HYAL1: variants seen among roughly 807,000 people sequenced by gnomAD.
HYAL1 encodes the protein hyaluronidase 1.
Under a neutral mutation model 28.8 loss-of-function variants are expected in HYAL1, and 21 were observed. That is an observed-to-expected ratio of 0.73 (90% CI 0.52 to 1.05). HYAL1 has a LOEUF of 1.05. Among genes scored for constraint, HYAL1 ranks in the 50% least tolerant of loss-of-function variants. The pLI is 0.00. For missense variants in HYAL1, 491 were observed against 579.2 expected (o/e 0.85, Z 1.56); for synonymous variants, 200 against 230.1 (o/e 0.87, Z 1.18).
Position 50,301,876 on chromosome 3 carries a change from G to A in HYAL1, c.900+181C>T, listed in dbSNP as rs189896761. 8.6e-5 allele frequency among the ~76,000 whole-genome samples: 13 copies of A among 151,536 alleles called. No individual in the cohort carries two copies. In the East Asian group the frequency reaches 2.3e-3, roughly 27 times the overall value. On this transcript the variant is annotated intron_variant, in intron 2 of 3. Transcript: ENST00000395144. ...TGAGGCAGGAGAATGGCATGAACCC[G>A]GGAGGCAGAGCTTGCAGTGAGCCAA...
intron 2 of HYAL1, 82 bp from the exon 3 acceptor site, chr3:50,301,159 TA>T (rs1246617193): frequency 1.1e-6 from 1 of 926,670 alleles, no homozygotes; most frequent in African/African-American, 1.6e-5. Flanking sequence ...ATGGGACAAA[TA>T]ATTCATAACC....
Position 50,302,032 on chromosome 3 carries a change from G to A in HYAL1, c.900+25C>T. On this transcript the variant is annotated intron_variant, in intron 2 of 3. Coordinates refer to ENST00000395144, the MANE Select transcript of HYAL1 (RefSeq NM_033159.4). The surrounding 1 kb of genome is among the most constrained non-coding windows in gnomAD (Gnocchi z 5.0). ...AATATCTGACAAGGCAGGTTGACAA[G>A]GTGGGCAGGTTACAGAAGACTCACC... The A allele has an allele frequency of 3.1e-6, 5 of 1,612,974 alleles. No individual in the cohort carries two copies. Among genetic ancestry groups the A allele is most frequent in the Non-Finnish European group, 4.2e-6 (5 of 1,178,960 alleles).
At chr3:50,308,009 A>T (rs1702370091), upstream of HYAL1, among the ~76,000 whole-genome samples, 1 of 150,914 alleles carries the variant, frequency 6.6e-6, no homozygotes, top group Non-Finnish European at 1.5e-5. Flanking sequence ...GTTAGCCAGG[A>T]TGGTCTTGAT....
intron 1 of HYAL1, among the ~76,000 whole-genome samples, chr3:50,311,447 C>T (rs1395294553): frequency 3.6e-4 from 30 of 83,560 alleles, no homozygotes; most frequent in African/African-American, 1.6e-3. Context: ...GGGGGGCTGA[C>T]CCCCCCCCAC....
intron 1 of HYAL1, among the ~76,000 whole-genome samples, chr3:50,311,951 T>A: frequency 7.6e-6 from 1 of 131,998 alleles, no homozygotes; most frequent in East Asian, 2.8e-4. Flanking sequence ...GGCTCCTCAC[T>A]TCCCAGTAGG....
chr3:50,302,953 C>A lies in HYAL1; in HGVS notation c.4G>T (p.Ala2Ser). The change falls in exon 2 of 4, where the codon GCA becomes TCA. Residue 2 changes from alanine to serine, a missense_variant. Transcript: ENST00000395144. This position sits in a 1 kb window ranked among gnomAD's most constrained non-coding sequence, Gnocchi z 5.0. Reference protein sequence around the residue: MAAHLLPICALF... With the variant: MSAHLLPICALF... ...GCGCAGATGGGAAGCAGGTGGGCTGCCATGGCACGGGACTGGTCGAGGACA... is the reference window on the plus strand; with the variant it reads ...GCGCAGATGGGAAGCAGGTGGGCTGACATGGCACGGGACTGGTCGAGGACA... 3.2e-6 allele frequency: 5 copies of A among 1,565,776 alleles called. No individual in the cohort carries two copies. Among genetic ancestry groups the A allele is most frequent in the Non-Finnish European group, 4.3e-6 (5 of 1,152,806 alleles).
At chr3:50,304,296 AAT>A (rs1175956843), upstream of HYAL1, among the ~76,000 whole-genome samples, 246 of 30,374 alleles carry the variant, frequency 8.1e-3, 1 homozygote, top group Middle Eastern at 0.062. Flanking sequence ...AAAAAAAAAA[AAT>A]ATATATATAT....
Position 50,300,071 on chromosome 3 carries a change from C to A in HYAL1, c.*412G>T. 1.1e-5 allele frequency: 3 copies of A among 283,074 alleles called. No individual in the cohort carries two copies. The highest frequency in any genetic ancestry group is 1.0e-4 in the South Asian group (3 of 28,642). 17.5% of individuals were successfully genotyped at this position (283,074 alleles called of 1,614,324 possible). A position where few individuals can be genotyped will look rare whatever the true frequency, so the allele number is the denominator to read the frequency against. ...TGTGCAACCTTGGGCAACGTGCTTA[C>A]TCTCAATGTGAGTGACTCAGTTTCC... On this transcript the variant is annotated 3_prime_UTR_variant, in exon 4 of 4. Coordinates refer to ENST00000395144, the MANE Select transcript of HYAL1 (RefSeq NM_033159.4).
At chr3:50,312,038 T>A (rs1702478111) in intron 1 of HYAL1, among the ~76,000 whole-genome samples, 1 of 134,372 alleles carries the variant, frequency 7.4e-6, no homozygotes, top group Admixed American at 7.4e-5. Flanking sequence ...CCCACCTCCC[T>A]CCCGGACGGG....
chr3:50,305,148 G>C (rs1255831468), upstream of HYAL1, among the ~76,000 whole-genome samples: 2 of 152,180 alleles, frequency 1.3e-5, no homozygotes, highest in Non-Finnish European at 2.9e-5. Flanking sequence ...GCAACCATCT[G>C]TCTGTCACCT....
upstream of HYAL1, among the ~76,000 whole-genome samples, chr3:50,306,088 T>C (rs1412585169): frequency 1.3e-5 from 2 of 151,398 alleles, no homozygotes; most frequent in African/African-American, 2.5e-5. Flanking sequence ...CTATCTGTGC[T>C]TGGTACCAGC....
chr3:50,311,210 G>A (rs1361250769), intron 1 of HYAL1, among the ~76,000 whole-genome samples: 3 of 148,238 alleles, frequency 2.0e-5, no homozygotes, highest in Non-Finnish European at 4.5e-5. Context: ...CCCGGACGGG[G>A]TGGCTGGCCG....
intron 1 of HYAL1, among the ~76,000 whole-genome samples, chr3:50,311,606 T>C: frequency 7.8e-6 from 1 of 128,118 alleles, no homozygotes; most frequent in Non-Finnish European, 1.7e-5. Flanking sequence ...ACGGGGCGGC[T>C]GGCCGGGCGG....
chr3:50,307,076 A>G (rs1428388892), upstream of HYAL1, among the ~76,000 whole-genome samples: 2 of 150,444 alleles, frequency 1.3e-5, no homozygotes, highest in Non-Finnish European at 2.9e-5. Flanking sequence ...CTAAAAAAAA[A>G]AAAAAATAAG....
chr3:50,304,291 AAAAAAATATATATATATATATATATAT>A (rs1489350944), upstream of HYAL1, among the ~76,000 whole-genome samples: 154 of 60,100 alleles, frequency 2.6e-3, 8 homozygotes, highest in African/African-American at 9.2e-3. Context: ...AAAAAAAAAA[AAAAAAATATATATATATATATATATAT>A]ATATATATAT....
intron 2 of HYAL1, 68 bp downstream of exon 2, chr3:50,301,989 T>C: frequency 6.7e-7 from 1 of 1,502,004 alleles, no homozygotes; most frequent in Non-Finnish European, 9.2e-7. Flanking sequence ...AAAGCTAAAG[T>C]ACCCCAAGGC....
rs939067401 is a variant in HYAL1, at chr3:50,302,288, T to C, written c.669A>G (p.Ser223=). The C allele has an allele frequency of 6.2e-7, 1 of 1,613,722 alleles. No homozygotes were observed. Residue 223 remains serine, a synonymous_variant, in exon 2 of 4, where the codon TCA becomes TCG. Coordinates refer to ENST00000395144, the MANE Select transcript of HYAL1 (RefSeq NM_033159.4). The surrounding 1 kb of genome is among the most constrained non-coding windows in gnomAD (Gnocchi z 5.0). ...GCTGGTCATTTTGGGCACGGATGCCTGATGGGCACTGGCCGGTGTAGTTGG... is the reference window on the plus strand; with the variant it reads ...GCTGGTCATTTTGGGCACGGATGCCCGATGGGCACTGGCCGGTGTAGTTGG... The part of the protein sequence containing the change: ...LSPNYTGQCP[S]GIRAQNDQLG...
At chr3:50,303,064 G>C (rs1312280025) in intron 1 of HYAL1, 84 bp from the exon 2 acceptor site, 2 of 1,057,596 alleles carry the variant, frequency 1.9e-6, no homozygotes, top group Non-Finnish European at 2.7e-6. Flanking sequence ...GAGCCCTTGC[G>C]CATTAATCCA....
rs1175943953 is a variant in HYAL1 at position 50,302,922 on chromosome 3, A to G, written c.35T>C (p.Phe12Ser). Reference protein sequence around the residue: ...AAHLLPICALFLTLLDMAQGF... With the variant: ...AAHLLPICALSLTLLDMAQGF... ...TTGGGCCATATCGAGTAAGGTCAGGAAGAGGGCGCAGATGGGAAGCAGGTG... is the reference window on the plus strand; with the variant it reads ...TTGGGCCATATCGAGTAAGGTCAGGGAGAGGGCGCAGATGGGAAGCAGGTG... Residue 12 changes from phenylalanine (F) to serine (S), a missense_variant, in exon 2 of 4, where the codon TTC (phenylalanine) becomes TCC (serine). Phe to Ser is a radical substitution (Grantham distance 155). Coordinates refer to ENST00000395144, the MANE Select transcript of HYAL1 (RefSeq NM_033159.4). The surrounding 1 kb of genome is among the most constrained non-coding windows in gnomAD (Gnocchi z 5.0). The G allele has an allele frequency of 1.9e-6, 3 of 1,590,876 alleles. No individual in the cohort carries two copies. The highest frequency in any genetic ancestry group is 2.6e-6 in the Non-Finnish European group (3 of 1,165,628).
Sources: gnomAD v4.1 joint callset for allele counts (sites outside exome capture counted in the v4.1 genomes callset) on GRCh38, gnomAD v4.1.1 for gene constraint, Gnocchi (gnomAD v3.1) non-coding constraint, MANE v1.5 for transcripts, NCBI Gene and HGNC (gene_info 2026-07-23, HGNC 2026-07-21) for gene names.